Variants in POLR3F observed in about 807,000 individuals in gnomAD.
The protein encoded by POLR3F is RNA polymerase III subunit F.
A neutral mutation model predicts 43.6 loss-of-function variants in POLR3F; 31 were observed. That is an observed-to-expected ratio of 0.71 (90% CI 0.53 to 0.96). The LOEUF (loss-of-function observed/expected upper bound fraction) is 0.96. Among genes scored for constraint, POLR3F ranks in the 40% least tolerant of loss-of-function variants. The pLI, the probability that POLR3F is intolerant of heterozygous loss-of-function variation, is 0.00. For synonymous variants in POLR3F, 114 were observed against 132.5 expected, an observed-to-expected ratio of 0.86 and a Z score of 0.96; for missense variants, 316 against 391.7, an observed-to-expected ratio of 0.81 and a Z score of 1.63.
At chr20:18,477,265 C>A (rs1464032758) in intron 5 of POLR3F, among the ~76,000 whole-genome samples, 8 of 152,064 alleles carry the variant, frequency 5.3e-5, no homozygotes, top group Admixed American at 5.2e-4. Context: ...CACTACACAC[C>A]TATTAGAATA....
At chr20:18,478,874 G>T (rs925970584) in intron 5 of POLR3F, among the ~76,000 whole-genome samples, 3 of 152,278 alleles carry the variant, frequency 2.0e-5, no homozygotes, top group Admixed American at 2.0e-4. Context: ...TGGGCAGGGT[G>T]GTTCATGCCT....
chr20:18,472,854 C>G lies in POLR3F; in HGVS notation c.193C>G (p.Leu65Val), dbSNP rs1481505645. ...TCTTAAAAACTAGGGTCAGTTGGATCTCTTAAGGAGCAATACGGGCCTTTT... is the reference window on the plus strand; with the variant it reads ...TCTTAAAAACTAGGGTCAGTTGGATGTCTTAAGGAGCAATACGGGCCTTTT... ...NRLLSMGQLDLLRSNTGLLYR... is the reference protein window; with the variant it reads ...NRLLSMGQLDVLRSNTGLLYR... The change falls in exon 3 of 9, where the codon CTC becomes GTC. Residue 65 changes from leucine to valine, a missense_variant. Physicochemically the swap from Leu to Val is conservative, Grantham distance 32. Around this residue, in one of 3 missense-constraint regions of POLR3F, gnomAD observed 122 missense variants for 133.8 expected, o/e 0.91. Coordinates refer to ENST00000377603, the MANE Select transcript of POLR3F (RefSeq NM_006466.4). The G allele has an allele frequency of 6.9e-7, 1 of 1,459,340 alleles. No homozygotes were observed. The highest frequency in any genetic ancestry group is 9.4e-7 in the Non-Finnish European group (1 of 1,062,220). The allele number at this position is 1,459,340 out of a possible 1,614,324, so 90.4% of individuals were successfully genotyped here.
At chr20:18,467,946 A>G (rs183180560) in intron 1 of POLR3F, among the ~76,000 whole-genome samples, 11 of 152,314 alleles carry the variant, frequency 7.2e-5, no homozygotes, top group South Asian at 2.1e-4. Flanking sequence ...TCACTAAGGG[A>G]ACGTCTATGA....
Position 18,473,461 on chromosome 20 carries a change from A to G in POLR3F, c.316+3A>G, listed in dbSNP as rs1243362611. 7.1e-7 allele frequency: 1 copy of G among 1,398,836 alleles called. No homozygotes were observed. Among genetic ancestry groups the G allele is most frequent in the Non-Finnish European group, 1.0e-6 (1 of 985,898 alleles). The allele number at this position is 1,398,836 out of a possible 1,614,324, so 86.7% of individuals were successfully genotyped here. A position where few individuals can be genotyped will look rare whatever the true frequency, so the allele number is the denominator to read the frequency against. On this transcript the variant is annotated splice_donor_region_variant and intron_variant, in intron 4 of 8. Coordinates refer to ENST00000377603, the MANE Select transcript of POLR3F (RefSeq NM_006466.4). ...CATAGAGGATGCAGGAAATAAAGGT[A>G]AGCATGTGAAAGATGAAGCAGAAAA...
chr20:18,467,619 G>C (rs1286284420), intron 1 of POLR3F, 51 bp downstream of exon 1: 1 of 1,613,404 alleles, frequency 6.2e-7, no homozygotes, highest in Non-Finnish European at 8.5e-7. Context: ...CCAGTCATTT[G>C]GGCAGCTGGA....
In POLR3F at chr20:18,484,420, G is replaced by A. The variant is rs887213449; in HGVS notation, c.*862G>A. On this transcript the variant is annotated 3_prime_UTR_variant, in exon 9 of 9. Transcript: ENST00000377603. ...ATGGTATTTGGAGGTGGGGCTTTTGGTAAGTGATAGGTCAGGAGAGTAACA... is the reference window on the plus strand; with the variant it reads ...ATGGTATTTGGAGGTGGGGCTTTTGATAAGTGATAGGTCAGGAGAGTAACA... 1 of 308,316 alleles carries A rather than the reference G, an allele frequency of 3.2e-6. No individual in the cohort carries two copies. The highest frequency in any genetic ancestry group is 5.1e-5 in the Admixed American group (1 of 19,738). 19.1% of individuals were successfully genotyped at this position (308,316 alleles called of 1,614,324 possible).
In POLR3F at chr20:18,467,488, C is replaced by A; in HGVS notation, c.-19C>A. On this transcript the variant is annotated 5_prime_UTR_variant, in exon 1 of 9. Coordinates refer to ENST00000377603, the MANE Select transcript of POLR3F (RefSeq NM_006466.4). ...TGCTCCGTGCATCTTTCCCCCCAGG[C>A]GTCAGGAACTGCGCCCTCATGGCGG... The A allele has an allele frequency of 6.2e-7, 1 of 1,614,014 alleles. No individual in the cohort carries two copies. Among genetic ancestry groups the A allele is most frequent in the Non-Finnish European group, 8.5e-7 (1 of 1,179,812 alleles).
At chr20:18,474,576 T>C (rs553399670) in intron 4 of POLR3F, among the ~76,000 whole-genome samples, 27 of 152,154 alleles carry the variant, frequency 1.8e-4, no homozygotes, top group African/African-American at 6.5e-4. Flanking sequence ...TGGAGTGCAA[T>C]GGTGTGATCT....
intron 2 of POLR3F, among the ~76,000 whole-genome samples, chr20:18,472,070 G>C (rs2059755782): frequency 6.6e-6 from 1 of 152,102 alleles, no homozygotes. Flanking sequence ...TAATTATCTG[G>C]GTTCTCTTAA....
intron 8 of POLR3F, among the ~76,000 whole-genome samples, chr20:18,482,391 A>G (rs1440474565): frequency 6.6e-6 from 1 of 152,190 alleles, no homozygotes; most frequent in Non-Finnish European, 1.5e-5. Flanking sequence ...TTTCACCTAA[A>G]TAGGGCAGAA....
At chr20:18,473,937 A>G (rs2059767058) in intron 4 of POLR3F, among the ~76,000 whole-genome samples, 1 of 152,074 alleles carries the variant, frequency 6.6e-6, no homozygotes, top group Non-Finnish European at 1.5e-5. Context: ...TTTCTCTTCT[A>G]CCCGCTTGAA....
chr20:18,477,140 T>A (rs1218158417), intron 5 of POLR3F, among the ~76,000 whole-genome samples: 2 of 146,876 alleles, frequency 1.4e-5, no homozygotes, highest in African/African-American at 5.0e-5. Flanking sequence ...GAGCAAAAGA[T>A]CTGAACCTCA....
chr20:18,475,994 GA>G (rs1051490246), intron 5 of POLR3F, among the ~76,000 whole-genome samples: 1 of 152,116 alleles, frequency 6.6e-6, no homozygotes. Context: ...TACAAAGGTA[GA>G]AAAAATCATA....
chr20:18,480,619 C>T (rs1030147633), intron 7 of POLR3F, 110 bp downstream of exon 7: 28 of 686,820 alleles, frequency 4.1e-5, no homozygotes, highest in Admixed American at 8.0e-5. Context: ...ATGATAGCTA[C>T]GAACATTCTG....
chr20:18,477,479 A>G (rs548278966), intron 5 of POLR3F, among the ~76,000 whole-genome samples: 1 of 152,242 alleles, frequency 6.6e-6, no homozygotes. Context: ...TCATGTCCAC[A>G]TAACTACATG....
At chr20:18,483,327 T>C (rs1328360728) in intron 8 of POLR3F, among the ~76,000 whole-genome samples, 154 bp from the exon 9 acceptor site, 1 of 152,262 alleles carries the variant, frequency 6.6e-6, no homozygotes, top group African/African-American at 2.4e-5. Context: ...ATTACAGGTG[T>C]GAGCCACTGC....
intron 4 of POLR3F, among the ~76,000 whole-genome samples, chr20:18,473,708 A>G (rs984183504): frequency 1.3e-5 from 2 of 152,192 alleles, no homozygotes; most frequent in Non-Finnish European, 2.9e-5. Context: ...AGTCACATGA[A>G]TGTATTATCT....
chr20:18,475,518 C>A (rs748224117), intron 5 of POLR3F, among the ~76,000 whole-genome samples: 2 of 152,178 alleles, frequency 1.3e-5, no homozygotes, highest in Non-Finnish European at 2.9e-5. Context: ...TTGCTGTGTG[C>A]CAGACACTGT....
rs2059794713 is a variant in POLR3F at position 18,478,970 on chromosome 20, C to G, written c.430-1068C>G. Among the ~76,000 whole-genome samples the G allele has an allele frequency of 2.6e-5, 4 of 151,578 alleles. No individual in the cohort carries two copies. The South Asian group carries it at 8.3e-4, about 32-fold the overall frequency. ...CCAGCTTGGCCAACATGGTGAAACC[C>G]CATCTCTACTGAAAATACAAAAAAA... is the stretch of plus-strand genomic sequence containing the variant. On this transcript the variant is annotated intron_variant, in intron 5 of 8. Transcript: ENST00000377603.
Sources: gnomAD v4.1 joint callset for allele counts (sites outside exome capture counted in the v4.1 genomes callset) on GRCh38, gnomAD v4.1.1 for gene constraint, gnomAD v4.1.1 regional missense constraint, MANE v1.5 for transcripts, NCBI Gene and HGNC (gene_info 2026-07-23, HGNC 2026-07-21) for gene names.